HBS1L: variants seen among roughly 807,000 people sequenced by gnomAD.
The protein encoded by HBS1L is HBS1 like translational GTPase, also known as HBS1-like protein.
HBS1L carries 55 observed loss-of-function variants against 88.9 expected under a neutral mutation model. The observed-to-expected ratio is 0.62, with a 90% CI of 0.50 to 0.77. The LOEUF (loss-of-function observed/expected upper bound fraction) is 0.77, where lower values mean the gene tolerates loss of function less well. Among genes scored for constraint, HBS1L ranks in the 30% least tolerant of loss-of-function variants. HBS1L has a pLI of 0.00. For missense variants in HBS1L, 741 were observed against 829.3 expected, an observed-to-expected ratio of 0.89 and a Z score of 1.31; for synonymous variants, 267 against 288.5, an observed-to-expected ratio of 0.93 and a Z score of 0.76.
At chr6:134,972,287 T>A (rs538002140) in intron 15 of HBS1L, among the ~76,000 whole-genome samples, 123 of 152,294 alleles carry the variant, frequency 8.1e-4, no homozygotes, top group Middle Eastern at 6.8e-3. Context: ...CCTGTATTTT[T>A]AAAATGTTAA....
At chr6:135,048,777 A>G (rs559527162) in intron 2 of HBS1L, among the ~76,000 whole-genome samples, 11 of 152,340 alleles carry the variant, frequency 7.2e-5, no homozygotes, top group Non-Finnish European at 1.2e-4. Context: ...CAGAATATAG[A>G]CTGATAACAG....
chr6:134,986,154 A>T lies in HBS1L; in HGVS notation c.1335T>A (p.Ser445Arg). The part of the protein sequence containing the change: ...KESDVGFIPT[S>R]GLSGENLITR... ...TGATTAGATTTTCACCACTGAGACCACTTGTAGGAATAAAACCTACATCAC... is the reference window on the plus strand; with the variant it reads ...TGATTAGATTTTCACCACTGAGACCTCTTGTAGGAATAAAACCTACATCAC... The change falls in exon 11 of 18, where the codon AGT becomes AGA. Residue 445 changes from serine (S) to arginine (R), a missense_variant. Around this residue, in one of 3 missense-constraint regions of HBS1L, gnomAD observed 556 missense variants for 598.4 expected, o/e 0.93. Transcript: ENST00000367837. The T allele has an allele frequency of 6.3e-7, 1 of 1,585,988 alleles. No individual in the cohort carries two copies.
Position 135,050,623 on chromosome 6 carries a change from C to A in HBS1L, c.68G>T (p.Gly23Val). Reference protein sequence around the residue: ...DEDFEDDDLYGQSVEDDYCIS... With the variant: ...DEDFEDDDLYVQSVEDDYCIS... ...ACAATAATCATCCTCTACAGACTGGCCGTAGAGATCATCATCTTCAAAATC... is the reference window on the plus strand; with the variant it reads ...ACAATAATCATCCTCTACAGACTGGACGTAGAGATCATCATCTTCAAAATC... Residue 23 changes from glycine to valine, a missense_variant, in exon 2 of 18, where the codon GGC becomes GTC. Gly to Val is a moderately radical substitution (Grantham distance 109). This residue lies in a region of HBS1L where 556 missense variants were observed against 598.4 expected (regional missense o/e 0.93). Transcript: ENST00000367837. The A allele has an allele frequency of 6.3e-7, 1 of 1,593,640 alleles. No homozygotes were observed. Among genetic ancestry groups the A allele is most frequent in the Middle Eastern group, 1.8e-4 (1 of 5,472 alleles).
intron 1 of HBS1L, among the ~76,000 whole-genome samples, chr6:135,051,937 T>A (rs1374350549): frequency 1.3e-5 from 2 of 152,138 alleles, no homozygotes; most frequent in Non-Finnish European, 2.9e-5. Context: ...CACAAGATAA[T>A]GGGCAATTAC....
chr6:135,050,638 T>C lies in HBS1L; in HGVS notation c.53A>G (p.Asp18Gly). The C allele has an allele frequency of 1.3e-6, 2 of 1,584,186 alleles. No homozygotes were observed. The highest frequency in any genetic ancestry group is 1.7e-6 in the Non-Finnish European group (2 of 1,161,802). ...TACAGACTGGCCGTAGAGATCATCA[T>C]CTTCAAAATCTAAAATAAAGACAAA... Reference protein sequence around the residue: ...RGYNYDEDFEDDDLYGQSVED... With the variant: ...RGYNYDEDFEGDDLYGQSVED... Residue 18 changes from aspartate (D) to glycine (G), a missense_variant, in exon 2 of 18, where the codon GAT (aspartate) becomes GGT (glycine). Asp to Gly is a moderately conservative substitution (Grantham distance 94, BLOSUM62 -1). This residue lies in a region of HBS1L where 556 missense variants were observed against 598.4 expected (regional missense o/e 0.93). Transcript: ENST00000367837.
intron 8 of HBS1L, 112 bp from the exon 9 acceptor site, chr6:134,987,903 C>T (rs1362967153): frequency 9.5e-6 from 8 of 845,728 alleles, no homozygotes; most frequent in Non-Finnish European, 1.3e-5. Flanking sequence ...ACCCTAACTA[C>T]CCCCACCAAA....
At chr6:134,989,533 T>G (rs1775073026) in intron 8 of HBS1L, among the ~76,000 whole-genome samples, 1 of 152,208 alleles carries the variant, frequency 6.6e-6, no homozygotes, top group Non-Finnish European at 1.5e-5. Flanking sequence ...CTCCAGTTTT[T>G]AAAGAATTTC....
At chr6:134,992,673 C>T (rs1775175697) in intron 8 of HBS1L, among the ~76,000 whole-genome samples, 4 of 151,958 alleles carry the variant, frequency 2.6e-5, no homozygotes, top group Admixed American at 2.6e-4. Flanking sequence ...TATTTTCGTA[C>T]AGCTGTACAA....
In HBS1L at chr6:134,961,906, A is replaced by G. The variant is rs1386338173; in HGVS notation, c.*3373T>C. 1 of 152,192 alleles carries G rather than the reference A, an allele frequency of 6.6e-6. No individual in the cohort carries two copies. The allele number at this position is 152,192 out of a possible 1,614,324, so 9.4% of individuals were successfully genotyped here. A position where few individuals can be genotyped will look rare whatever the true frequency, so the allele number is the denominator to read the frequency against. On this transcript the variant is annotated 3_prime_UTR_variant, in exon 18 of 18. Coordinates refer to ENST00000367837, the MANE Select transcript of HBS1L (RefSeq NM_006620.4). The stretch of plus-strand genomic sequence containing the variant: ...TGACATCAACAAATGATGAGCATCA[A>G]CAAATGTTTGCCGCAGAATTTTCTA...
intron 5 of HBS1L, among the ~76,000 whole-genome samples, chr6:135,002,367 T>A (rs1775485971): frequency 6.6e-6 from 1 of 152,210 alleles, no homozygotes; most frequent in Non-Finnish European, 1.5e-5. Flanking sequence ...ATTTAATTAA[T>A]GATTCCATGA....
At chr6:135,048,109 G>C (rs187314245) in intron 2 of HBS1L, among the ~76,000 whole-genome samples, 1 of 152,070 alleles carries the variant, frequency 6.6e-6, no homozygotes, top group Non-Finnish European at 1.5e-5. Context: ...TTTGATACCC[G>C]GCTCCCTTTT....
Position 134,960,658 on chromosome 6 carries a change from T to C in HBS1L, c.*4621A>G, listed in dbSNP as rs1774165921. On this transcript the variant is annotated 3_prime_UTR_variant, in exon 18 of 18. Coordinates refer to ENST00000367837, the MANE Select transcript of HBS1L (RefSeq NM_006620.4). ...TTCTGGAGAGGCAGTGTAGTGTCTC[T>C]GAACATGCCTCAGTCAGACTTAAAT... is the stretch of plus-strand genomic sequence containing the variant. The C allele has an allele frequency of 6.6e-6, 1 of 152,290 alleles. No individual in the cohort carries two copies. The highest frequency in any genetic ancestry group is 2.1e-4 in the South Asian group (1 of 4,826). The allele number at this position is 152,290 out of a possible 1,614,324, so 9.4% of individuals were successfully genotyped here.
intron 3 of HBS1L, among the ~76,000 whole-genome samples, chr6:135,040,639 C>T (rs890216711): frequency 2.0e-5 from 3 of 151,776 alleles, no homozygotes; most frequent in East Asian, 3.8e-4. Flanking sequence ...CGTGAGCCAC[C>T]GTGCCCAGCC....
At chr6:134,986,287 C>A in intron 10 of HBS1L, 104 bp from the exon 11 acceptor site, 1 of 663,888 alleles carries the variant, frequency 1.5e-6, no homozygotes. Flanking sequence ...CAACAATGTA[C>A]TTTTTAAAAC....
rs79460110 is a variant in HBS1L, at chr6:134,986,926, A to G, written c.1231-116T>C. 1.2e-3 allele frequency: 446 copies of G among 384,082 alleles called. 6 individuals are homozygous for G. The highest frequency in any genetic ancestry group is 5.0e-3 in the African/African-American group (238 of 47,510). 23.8% of individuals were successfully genotyped at this position (384,082 alleles called of 1,614,324 possible). ...ATAAAATATAAATATAAAATCTATT[A>G]AAATCAAAACATGGAATATCAGACC... On this transcript the variant is annotated intron_variant, in intron 9 of 17. Transcript: ENST00000367837.
At chr6:135,029,378 C>A (rs956292695) in intron 4 of HBS1L, among the ~76,000 whole-genome samples, 5 of 151,630 alleles carry the variant, frequency 3.3e-5, no homozygotes, top group African/African-American at 9.7e-5. Flanking sequence ...CATACACATA[C>A]ACACACACAT....
At chr6:134,986,861 T>C in intron 9 of HBS1L, 51 bp from the exon 10 acceptor site, 1 of 872,926 alleles carries the variant, frequency 1.1e-6, no homozygotes, top group Non-Finnish European at 1.7e-6. Context: ...ACATGATACA[T>C]AAAATTTAAA....
chr6:134,999,137 C>G (rs751688832), intron 5 of HBS1L, among the ~76,000 whole-genome samples: 17 of 152,176 alleles, frequency 1.1e-4, no homozygotes, highest in Non-Finnish European at 1.8e-4. Flanking sequence ...TCAGACCTGG[C>G]AGAAATCACA....
At chr6:134,985,520 A>G (rs916064480) in intron 11 of HBS1L, 111 bp from the exon 12 acceptor site, 7 of 628,806 alleles carry the variant, frequency 1.1e-5, no homozygotes, top group African/African-American at 9.4e-5. Flanking sequence ...TACTTTTTAT[A>G]ATTACTAATA....
Sources: gnomAD v4.1 joint callset for allele counts (sites outside exome capture counted in the v4.1 genomes callset) on GRCh38, gnomAD v4.1.1 for gene constraint, gnomAD v4.1.1 regional missense constraint, MANE v1.5 for transcripts, NCBI Gene and HGNC (gene_info 2026-07-23, HGNC 2026-07-21) for gene names.